Variants in ZNF185 observed in about 807,000 individuals in gnomAD.
ZNF185 encodes zinc finger protein 185.
ZNF185 carries 56 observed loss-of-function variants against 58.6 expected under a neutral mutation model. That is an observed-to-expected ratio of 0.95 (90% CI 0.77 to 1.19). The LOEUF (loss-of-function observed/expected upper bound fraction) is 1.19. Among genes scored for constraint, ZNF185 ranks in the 50% most tolerant of loss-of-function variants. The pLI is 0.00. For missense variants in ZNF185, 627 were observed against 573.5 expected (o/e 1.09, Z -0.95); for synonymous variants, 230 against 215.9 (o/e 1.07, Z -0.57).
At chrX:152,928,405 G>C (rs1352668622) in intron 11 of ZNF185, among the ~76,000 whole-genome samples, 170 bp from the exon 13 acceptor site, 1 of 112,485 alleles carries the variant, frequency 8.9e-6, no homozygotes, top group Non-Finnish European at 1.9e-5. Context: ...GGGGCCTACA[G>C]GTCAGTGGCC....
chrX:152,964,306 C>T (rs1241447074), intron 18 of ZNF185, among the ~76,000 whole-genome samples: 17 of 112,789 alleles, frequency 1.5e-4, no homozygotes, highest in African/African-American at 5.1e-4. Flanking sequence ...AAAGGAATAC[C>T]TGAGGCTGGG....
At chrX:152,920,172 T>C (rs1939406959) in intron 7 of ZNF185, among the ~76,000 whole-genome samples, 156 bp from the exon 9 acceptor site, 1 of 112,592 alleles carries the variant, frequency 8.9e-6, no homozygotes, top group African/African-American at 3.2e-5. Flanking sequence ...CTACATTTCC[T>C]TTGAATAGTC....
rs781980140 is a variant in ZNF185 at position 152,951,144 on chromosome X, C to T, written c.1409+5680C>T. On this transcript the variant is annotated intron_variant, in intron 16 of 22. Transcript: ENST00000449285. The stretch of plus-strand genomic sequence containing the variant: ...TCTGTTGCCCAGGCTGGAGTGCAGT[C>T]GCGCGATCACCATGTTGGCCAGGCT... 1.9e-4 allele frequency among the ~76,000 whole-genome samples: 19 copies of T among 101,975 alleles called. No individual in the cohort carries two copies. The South Asian group carries it at 9.0e-3, about 48-fold the overall frequency. The allele number at this position is 101,975 out of a possible 115,157, so 88.6% of individuals were successfully genotyped here.
chrX:152,961,488 G>A (rs782592127), intron 17 of ZNF185, among the ~76,000 whole-genome samples: 3 of 111,578 alleles, frequency 2.7e-5, no homozygotes, highest in African/African-American at 6.5e-5. Flanking sequence ...GAAGGTGCAC[G>A]TGTCTTTTGA....
In ZNF185 at chrX:152,947,021, A is replaced by G. The variant is rs142231530; in HGVS notation, c.1409+1557A>G. 1.1e-3 allele frequency among the ~76,000 whole-genome samples: 122 copies of G among 112,085 alleles called. 1 individual carries two copies. The East Asian group carries it at 0.028, about 26-fold the overall frequency. The stretch of plus-strand genomic sequence containing the variant: ...ATACGACGAGACAAGGCAGGAGGCC[A>G]TATTGGAGACTGTTTGCTTACACCA... On this transcript the variant is annotated intron_variant, in intron 16 of 22. Transcript: ENST00000449285.
intron 12 of ZNF185, among the ~76,000 whole-genome samples, chrX:152,929,888 G>A (rs1941631370): frequency 8.9e-6 from 1 of 112,431 alleles, no homozygotes; most frequent in Non-Finnish European, 1.9e-5. Context: ...CTCTGTGCAG[G>A]CTGGAGGCTC....
upstream of ZNF185, among the ~76,000 whole-genome samples, chrX:152,913,915 G>A (rs1288825735): frequency 9.0e-6 from 1 of 111,070 alleles, no homozygotes; most frequent in South Asian, 3.8e-4. Context: ...GAGGCAGCTC[G>A]GAGAGGTTAG....
At chrX:152,972,391 G>C (rs1556920193) in exon 23 of ZNF185, 1 of 110,899 alleles carries the variant, frequency 9.0e-6, no homozygotes, top group Non-Finnish European at 1.9e-5. Context: ...GCATAGGCTT[G>C]CAAAGAGCAG....
Position 152,941,851 on chromosome X carries a change from C to T in ZNF185, c.1212-3416C>T, listed in dbSNP as rs1556890119. On this transcript the variant is annotated intron_variant, in intron 15 of 22. Transcript: ENST00000449285. ...CCCGCGTAAGGTCTGAAGCCGCGGC[C>T]AGAGTGGCTTTGGGGTGACCGCGCG... 4 of 1,139,346 alleles carry T rather than the reference C, an allele frequency of 3.5e-6. No homozygotes were observed. In the Admixed American group the frequency reaches 1.1e-4, roughly 31 times the overall value. 93.9% of individuals were successfully genotyped at this position (1,139,346 alleles called of 1,213,427 possible).
At chrX:152,914,303 A>G, upstream of ZNF185, 1 of 433,367 alleles carries the variant, frequency 2.3e-6, no homozygotes, top group Non-Finnish European at 3.9e-6. Context: ...GCTTCTGCCC[A>G]TACTTAGCAC....
the ZNF185 span, among the ~76,000 whole-genome samples, chrX:152,905,857 ACTCCCCTCCAGAGTCC>A: frequency 9.3e-6 from 1 of 108,029 alleles, no homozygotes; most frequent in African/African-American, 3.4e-5. Flanking sequence ...CCCTCCAGGG[ACTCCCCTCCAGAGTCC>A]CTCCCCTCCA....
intron 15 of ZNF185, chrX:152,941,874 G>T (rs2047242801): frequency 1.0e-5 from 11 of 1,093,914 alleles, no homozygotes; most frequent in Admixed American, 3.7e-5. Flanking sequence ...GGGTGACCGC[G>T]CGTGGACCGT....
intron 12 of ZNF185, among the ~76,000 whole-genome samples, chrX:152,931,433 A>G (rs1556877131): frequency 8.9e-6 from 1 of 112,010 alleles, no homozygotes; most frequent in African/African-American, 3.2e-5. Flanking sequence ...ACTTTCAAAA[A>G]TATTTTTGTG....
rs1556878932 is a variant in ZNF185 at position 152,932,980 on chromosome X, C to G, written c.1121+9C>G. ...GGCTCCGAGAGAGGAAGGTGAGCTGCCCGGGGGAGGCAGGTTCTCTCATGC... is the reference window on the plus strand; with the variant it reads ...GGCTCCGAGAGAGGAAGGTGAGCTGGCCGGGGGAGGCAGGTTCTCTCATGC... On this transcript the variant is annotated intron_variant, in intron 14 of 22. Coordinates refer to ENST00000449285, the Ensembl canonical transcript of ZNF185. 8.6e-7 allele frequency: 1 copy of G among 1,167,713 alleles called. No homozygotes were observed. The highest frequency in any genetic ancestry group is 3.1e-5 in the East Asian group (1 of 32,434).
At chrX:152,903,353 CT>C in the ZNF185 span, among the ~76,000 whole-genome samples, 159 of 81,930 alleles carry the variant, frequency 1.9e-3, 1 homozygote, top group African/African-American at 7.4e-3. Context: ...TATGCCACTG[CT>C]ACTCCAGCCT....
At position 152,914,807 on chromosome X, in the gene ZNF185, G is replaced by A. The variant is rs782101016; in HGVS notation, c.132G>A (p.Lys44=). The A allele has an allele frequency of 5.1e-6, 6 of 1,187,386 alleles. No homozygotes were observed. In the Admixed American group the frequency reaches 1.4e-4, roughly 28 times the overall value. Residue 44 remains lysine, a synonymous_variant, in exon 2 of 23, where the codon AAG becomes AAA. Transcript: ENST00000449285. Reference sequence around the variant, plus strand: ...AGGGGGACAAGAGCTGGATTACCAAGCAGGATGAATCGGAGGGTCGCACCA... The same window carrying A: ...AGGGGGACAAGAGCTGGATTACCAAACAGGATGAATCGGAGGGTCGCACCA...
chrX:152,956,400 T>A (rs2048830823), intron 16 of ZNF185, among the ~76,000 whole-genome samples: 1 of 112,196 alleles, frequency 8.9e-6, no homozygotes, highest in Non-Finnish European at 1.9e-5. Flanking sequence ...AATTTTGGAA[T>A]ATATATTAAT....
chrX:152,922,810 G>A lies in ZNF185; in HGVS notation c.830+1G>A. On this transcript the variant is annotated splice_donor_variant, in intron 11 of 22. Coordinates refer to ENST00000449285, the Ensembl canonical transcript of ZNF185. LOFTEE classifies it high-confidence loss of function. The stretch of plus-strand genomic sequence containing the variant: ...GCCCCGCTGGGAGCCAGGAGCTCAG[G>A]TGGGTGCCGAGAGCTGACTCTGGCT... 1.7e-6 allele frequency: 2 copies of A among 1,190,437 alleles called. No individual in the cohort carries two copies. The highest frequency in any genetic ancestry group is 3.5e-5 in the African/African-American group (2 of 57,437).
At chrX:152,921,043 CCT>C (rs1939609891) in intron 9 of ZNF185, among the ~76,000 whole-genome samples, 1 of 112,649 alleles carries the variant, frequency 8.9e-6, no homozygotes, top group Admixed American at 9.3e-5. Flanking sequence ...TTCCCCTGCC[CCT>C]GTTGCTTGCC....
Sources: allele counts gnomAD v4.1 joint callset (sites outside exome capture counted in the v4.1 genomes callset), GRCh38; gene constraint gnomAD v4.1.1; transcripts MANE v1.5; gene names NCBI Gene and HGNC (gene_info 2026-07-23, HGNC 2026-07-21).